ZFPM1: variants seen among roughly 807,000 people sequenced by gnomAD.
ZFPM1 encodes zinc finger protein, FOG family member 1.
ZFPM1 carries 28 observed loss-of-function variants against 46.3 expected under a neutral mutation model. The observed-to-expected ratio is 0.60, with a 90% CI of 0.45 to 0.83. The LOEUF (loss-of-function observed/expected upper bound fraction) is 0.83, where lower values mean the gene tolerates loss of function less well. ZFPM1 is among the 40% of genes least tolerant of loss of function. The probability of loss-of-function intolerance (pLI) is 0.00; values close to 1 mark genes in which losing one functional copy is unlikely to be tolerated. For missense variants in ZFPM1, 1,878 were observed against 1,432.4 expected (o/e 1.31, Z -5.02); for synonymous variants, 957 against 675.9 (o/e 1.42, Z -6.45).
chr16:88,475,858 G>A (rs1395474408), intron 1 of ZFPM1, among the ~76,000 whole-genome samples: 1 of 152,166 alleles, frequency 6.6e-6, no homozygotes, highest in Non-Finnish European at 1.5e-5. Context: ...GCCTACCCTC[G>A]GCCCCCTGGA....
Position 88,480,728 on chromosome 16 carries a change from C to T in ZFPM1, c.41-5211C>T, listed in dbSNP as rs899663157. On this transcript the variant is annotated intron_variant, in intron 1 of 9. Transcript: ENST00000319555. This position sits in a 1 kb window ranked among gnomAD's most constrained non-coding sequence, Gnocchi z 4.9. ...CAAGGTCACAGAGCCAGGGGCACCG[C>T]AGGGGCCTCCCCAGGGGCCTCAGAC... is the stretch of plus-strand genomic sequence containing the variant. Among the ~76,000 whole-genome samples the T allele has an allele frequency of 1.3e-5, 2 of 152,216 alleles. No individual in the cohort carries two copies. The highest frequency in any genetic ancestry group is 4.8e-5 in the African/African-American group (2 of 41,456).
At chr16:88,453,877 A>G (rs1907410512) in intron 1 of ZFPM1, among the ~76,000 whole-genome samples, 199 bp downstream of exon 1, 1 of 151,394 alleles carries the variant, frequency 6.6e-6, no homozygotes, top group African/African-American at 2.4e-5. Flanking sequence ...CGGCTTGGGC[A>G]CCGGGGGGTT....
At chr16:88,474,197 C>T (rs746442612) in intron 1 of ZFPM1, among the ~76,000 whole-genome samples, 4 of 152,234 alleles carry the variant, frequency 2.6e-5, no homozygotes, top group African/African-American at 4.8e-5. Context: ...CCTCCTCCTC[C>T]GCCTCCCTTT....
chr16:88,498,609 C>A (rs144747071), intron 3 of ZFPM1, among the ~76,000 whole-genome samples: 2 of 152,296 alleles, frequency 1.3e-5, no homozygotes, highest in East Asian at 3.9e-4. Flanking sequence ...GCAGAGCCGG[C>A]CTCGCTGAGC....
At position 88,500,066 on chromosome 16, in the gene ZFPM1, G is replaced by A. The variant is rs1171737208; in HGVS notation, c.268+10913G>A. 5.3e-5 allele frequency among the ~76,000 whole-genome samples: 8 copies of A among 152,212 alleles called. 1 individual carries two copies. Among genetic ancestry groups the A allele is most frequent in the Admixed American group, 2.6e-4 (4 of 15,292 alleles). The stretch of plus-strand genomic sequence containing the variant: ...ATCTGTGGCCAGGGCAGCCTATCTC[G>A]GCCGCAGGCGCTAATCAAGCTGGCT... On this transcript the variant is annotated intron_variant, in intron 3 of 9. Transcript: ENST00000319555.
At chr16:88,489,233 TGC>T in intron 3 of ZFPM1, 80 bp downstream of exon 3, 1 of 1,495,836 alleles carries the variant, frequency 6.7e-7, no homozygotes, top group East Asian at 2.5e-5. Context: ...GCGACGTGGG[TGC>T]TGGGGCAGGT....
rs545290673 is a variant in ZFPM1, at chr16:88,483,258, C to T, written c.41-2681C>T. Among the ~76,000 whole-genome samples, 23 of 150,730 alleles carry T rather than the reference C, an allele frequency of 1.5e-4. No homozygotes were observed. The South Asian group carries it at 4.8e-3, about 32-fold the overall frequency. The stretch of plus-strand genomic sequence containing the variant: ...CCCTCCTGTCCAGGACCCCCCATGG[C>T]TCCCCGGTGGCACCTGCCCCTCCTG... On this transcript the variant is annotated intron_variant, in intron 1 of 9. Coordinates refer to ENST00000319555, the MANE Select transcript of ZFPM1 (RefSeq NM_153813.3).
chr16:88,486,178 C>G, intron 2 of ZFPM1, 135 bp downstream of exon 2: 1 of 926,146 alleles, frequency 1.1e-6, no homozygotes, highest in Non-Finnish European at 1.6e-6. Flanking sequence ...AGGCGTCTTC[C>G]AGCCAGAGGC....
At chr16:88,468,909 C>T (rs1908286297) in intron 1 of ZFPM1, 1 of 153,522 alleles carries the variant, frequency 6.5e-6, no homozygotes, top group Non-Finnish European at 1.5e-5. Context: ...CCACCACCGG[C>T]TCTGGAAGGG....
intron 3 of ZFPM1, among the ~76,000 whole-genome samples, chr16:88,509,690 G>A (rs1306514839): frequency 1.3e-5 from 2 of 152,140 alleles, no homozygotes; most frequent in East Asian, 1.9e-4. Context: ...GCGGGCGACT[G>A]AGCAGAGTGG....
intron 1 of ZFPM1, among the ~76,000 whole-genome samples, chr16:88,459,058 T>G (rs1567524444): frequency 6.6e-6 from 1 of 152,220 alleles, no homozygotes; most frequent in Non-Finnish European, 1.5e-5. Flanking sequence ...GAGCCCCTCG[T>G]TAGGGCCTGT....
chr16:88,451,999 G>A (rs1206018535), upstream of ZFPM1, among the ~76,000 whole-genome samples: 1 of 152,182 alleles, frequency 6.6e-6, no homozygotes. Flanking sequence ...GTTGGCACGA[G>A]ATGGGGTCTT....
chr16:88,520,334 G>A (rs1242361917), intron 4 of ZFPM1, among the ~76,000 whole-genome samples: 1 of 149,800 alleles, frequency 6.7e-6, no homozygotes, highest in Non-Finnish European at 1.5e-5. Context: ...GGGGTGGATA[G>A]ATGGATGAGT....
At chr16:88,475,278 G>A (rs572847367) in intron 1 of ZFPM1, among the ~76,000 whole-genome samples, 12 of 152,324 alleles carry the variant, frequency 7.9e-5, no homozygotes, top group African/African-American at 2.9e-4. Context: ...GGCCCTGGGG[G>A]GCCATCAGAG....
chr16:88,530,279 G>A (rs1021008589), intron 6 of ZFPM1, among the ~76,000 whole-genome samples: 1 of 152,162 alleles, frequency 6.6e-6, no homozygotes, highest in African/African-American at 2.4e-5. Flanking sequence ...AGCCTGCGGA[G>A]ACCACCTCCC....
chr16:88,479,997 C>T (rs56071907), intron 1 of ZFPM1, among the ~76,000 whole-genome samples: 16,165 of 151,606 alleles, frequency 0.11, 1,083 homozygotes, highest in East Asian at 0.2. Context: ...CTCACATCTG[C>T]GCCCAGCGCC....
At chr16:88,494,793 G>T (rs1909841446) in intron 3 of ZFPM1, among the ~76,000 whole-genome samples, 1 of 152,154 alleles carries the variant, frequency 6.6e-6, no homozygotes, top group Admixed American at 6.5e-5. Flanking sequence ...AAGGGCTGGG[G>T]TCTGAGCGTG....
chr16:88,535,026 C>A lies in ZFPM1; in HGVS notation c.*47C>A. On this transcript the variant is annotated 3_prime_UTR_variant, in exon 10 of 10. Coordinates refer to ENST00000319555, the MANE Select transcript of ZFPM1 (RefSeq NM_153813.3). ...ACGCTTTGCACGCCCCGCTGCGATGCGGGGAGGGGGCCGCCCCCAGGCCGC... is the reference window on the plus strand; with the variant it reads ...ACGCTTTGCACGCCCCGCTGCGATGAGGGGAGGGGGCCGCCCCCAGGCCGC... The A allele has an allele frequency of 1.5e-6, 2 of 1,353,482 alleles. No homozygotes were observed. Among genetic ancestry groups the A allele is most frequent in the Non-Finnish European group, 1.9e-6 (2 of 1,044,600 alleles). The allele number at this position is 1,353,482 out of a possible 1,614,324, so 83.8% of individuals were successfully genotyped here.
intron 9 of ZFPM1, 81 bp from the exon 10 acceptor site, chr16:88,533,067 C>CCACA: frequency 1.4e-6 from 2 of 1,470,802 alleles, no homozygotes; most frequent in Non-Finnish European, 1.8e-6. Flanking sequence ...CCACCCCTCC[C>CCACA]CTTCCGGAGC....
Sources: allele counts gnomAD v4.1 joint callset (sites outside exome capture counted in the v4.1 genomes callset), GRCh38; gene constraint gnomAD v4.1.1; non-coding constraint Gnocchi (gnomAD v3.1); transcripts MANE v1.5; gene names NCBI Gene and HGNC (gene_info 2026-07-23, HGNC 2026-07-21).